The following ZBTB45 variants were observed in gnomAD, a reference collection of about 807,000 sequenced individuals.
ZBTB45 encodes zinc finger and BTB domain containing 45.
Under a neutral mutation model 28.4 loss-of-function variants are expected in ZBTB45, and 22 were observed. The ratio of observed to expected loss-of-function variants is 0.77; its 90% CI spans 0.55 to 1.10. ZBTB45 has a LOEUF of 1.10. Among genes scored for constraint, ZBTB45 ranks in the 50% least tolerant of loss-of-function variants. The pLI is 0.00. For synonymous variants in ZBTB45, 361 were observed against 332.3 expected, an observed-to-expected ratio of 1.09 and a Z score of -0.94; for missense variants, 656 against 750.2, an observed-to-expected ratio of 0.87 and a Z score of 1.47.
At chr19:58,524,320 G>A (rs960598051), upstream of ZBTB45, among the ~76,000 whole-genome samples, 3 of 150,684 alleles carry the variant, frequency 2.0e-5, no homozygotes, top group Non-Finnish European at 4.4e-5. Context: ...AGCCGAGATC[G>A]CGCCACTGCA....
intron 2 of ZBTB45, 134 bp from the exon 3 acceptor site, chr19:58,514,444 C>T (rs2053463806): frequency 8.4e-7 from 1 of 1,190,622 alleles, no homozygotes; most frequent in Admixed American, 2.8e-5. Context: ...CCCCGGGATC[C>T]CTTGCCTATC....
Position 58,534,361 on chromosome 19 carries a change from T to G in ZBTB45, c.-1+4340A>C, listed in dbSNP as rs2122597721. On this transcript the variant is annotated intron_variant, in intron 1 of 1. Transcript: ENST00000600130. Reference sequence around the variant, plus strand: ...ATGTACACTTTTAAACTGGCTAAAATGATAAATTTGATATTATGTGAATAT... The same window carrying G: ...ATGTACACTTTTAAACTGGCTAAAAGGATAAATTTGATATTATGTGAATAT... Among the ~76,000 whole-genome samples, 3 of 152,178 alleles carry G rather than the reference T, an allele frequency of 2.0e-5. No homozygotes were observed. The South Asian group carries it at 6.2e-4, about 32-fold the overall frequency.
chr19:58,533,491 C>G (rs1315088498), intron 1 of ZBTB45, among the ~76,000 whole-genome samples: 1 of 151,998 alleles, frequency 6.6e-6, no homozygotes, highest in African/African-American at 2.4e-5. Flanking sequence ...AAGCCGAGGC[C>G]ACCAGAAACT....
intron 1 of ZBTB45, among the ~76,000 whole-genome samples, chr19:58,528,462 C>CA (rs376159411): frequency 1.5e-3 from 190 of 128,328 alleles, no homozygotes; most frequent in Middle Eastern, 4.1e-3. Context: ...GACTAGTTCT[C>CA]AAAAAAAAAA....
intron 1 of ZBTB45, among the ~76,000 whole-genome samples, chr19:58,536,681 T>C (rs1045133498): frequency 6.6e-6 from 1 of 151,986 alleles, no homozygotes; most frequent in African/African-American, 2.4e-5. Flanking sequence ...ATTTGAGTGA[T>C]GTAGCCACAA....
At chr19:58,523,812 A>T, upstream of ZBTB45, among the ~76,000 whole-genome samples, 1 of 127,846 alleles carries the variant, frequency 7.8e-6, no homozygotes. Flanking sequence ...CTGGGACTAC[A>T]GGCGCCCGCC....
intron 1 of ZBTB45, among the ~76,000 whole-genome samples, chr19:58,532,757 A>C (rs1180136928): frequency 6.6e-6 from 1 of 152,078 alleles, no homozygotes; most frequent in Non-Finnish European, 1.5e-5. Context: ...TATGTTGGGC[A>C]GTCTGGTCTC....
upstream of ZBTB45, chr19:58,520,008 TC>T (rs1177531477): frequency 6.6e-6 from 1 of 152,250 alleles, no homozygotes; most frequent in Non-Finnish European, 1.5e-5. Context: ...AGAGCACTCT[TC>T]CGGCGTCGCC....
chr19:58,524,239 C>G (rs901126449), upstream of ZBTB45, among the ~76,000 whole-genome samples: 4 of 151,042 alleles, frequency 2.6e-5, no homozygotes, highest in Admixed American at 6.6e-5. Context: ...GTGGTGGGCC[C>G]CTATAATCCC....
chr19:58,517,777 A>C, intron 1 of ZBTB45, 104 bp from the exon 2 acceptor site: 3 of 1,098,776 alleles, frequency 2.7e-6, no homozygotes, highest in Non-Finnish European at 3.9e-6. Context: ...GCTCGAGTGC[A>C]CCACACTCCA....
At chr19:58,529,404 C>G (rs924868369) in intron 1 of ZBTB45, among the ~76,000 whole-genome samples, 2 of 152,290 alleles carry the variant, frequency 1.3e-5, no homozygotes, top group East Asian at 3.9e-4. Context: ...GCACTCAGAG[C>G]AAGACCCTAT....
chr19:58,533,456 T>A (rs1047271546), intron 1 of ZBTB45, among the ~76,000 whole-genome samples: 5 of 152,160 alleles, frequency 3.3e-5, no homozygotes, highest in African/African-American at 1.2e-4. Flanking sequence ...GCTGTCAGCC[T>A]TCAAGACTGG....
chr19:58,517,259 G>A lies in ZBTB45; in HGVS notation c.415C>T (p.Pro139Ser). 1 of 1,581,882 alleles carries A rather than the reference G, an allele frequency of 6.3e-7. No homozygotes were observed. Among genetic ancestry groups the A allele is most frequent in the South Asian group, 1.1e-5 (1 of 88,248 alleles). Reference sequence around the variant, plus strand: ...GCAGGTGCGAGTGGCGGGGGCACAGGGGTGGGCAGGGGCGTGGGCGCAGAG... The same window carrying A: ...GCAGGTGCGAGTGGCGGGGGCACAGAGGTGGGCAGGGGCGTGGGCGCAGAG... ...GTSAPTPLPT[P>S]VPPPLAPAQL... is the part of the protein sequence containing the mutation. The change falls in exon 2 of 3, where the codon CCT becomes TCT. Residue 139 changes from proline (P) to serine (S), a missense_variant. Pro to Ser is a moderately conservative substitution (Grantham distance 74). Transcript: ENST00000594051.
chr19:58,514,507 C>T (rs920095811), intron 2 of ZBTB45, among the ~76,000 whole-genome samples, 197 bp from the exon 3 acceptor site: 1 of 152,028 alleles, frequency 6.6e-6, no homozygotes, highest in Non-Finnish European at 1.5e-5. Flanking sequence ...GACACCCCCT[C>T]CTCTCCAGGA....
intron 1 of ZBTB45, among the ~76,000 whole-genome samples, chr19:58,525,909 C>T (rs368444487): frequency 3.7e-4 from 56 of 152,288 alleles, no homozygotes; most frequent in African/African-American, 1.1e-3. Flanking sequence ...CTGTACTGTG[C>T]CCTTGGATTA....
At chr19:58,538,388 T>C (rs2053672491) in intron 1 of ZBTB45, among the ~76,000 whole-genome samples, 2 of 151,990 alleles carry the variant, frequency 1.3e-5, no homozygotes, top group Admixed American at 6.6e-5. Context: ...CCAGGGCGTC[T>C]TCAGGGTGGT....
chr19:58,537,464 C>T (rs1396460376), intron 1 of ZBTB45, among the ~76,000 whole-genome samples: 1 of 152,100 alleles, frequency 6.6e-6, no homozygotes, highest in African/African-American at 2.4e-5. Context: ...TTGCCAGGGC[C>T]TGGGGAGGGC....
At position 58,516,828 on chromosome 19, in the gene ZBTB45, T is replaced by C; in HGVS notation, c.846A>G (p.Val282=). The C allele has an allele frequency of 6.2e-7, 1 of 1,613,624 alleles. No individual in the cohort carries two copies. Among genetic ancestry groups the C allele is most frequent in the South Asian group, 1.1e-5 (1 of 91,080 alleles). Residue 282 remains valine (V), a synonymous_variant, in exon 2 of 3, where the codon GTA becomes GTG. Transcript: ENST00000594051. This position sits in a 1 kb window ranked among gnomAD's most constrained non-coding sequence, Gnocchi z 6.2. Reference sequence around the variant, plus strand: ...AAGTGGATACATAGCTGTCTGGAAATACGTCCTCAGCTGACCCAGCTCCCC... The same window carrying C: ...AAGTGGATACATAGCTGTCTGGAAACACGTCCTCAGCTGACCCAGCTCCCC... ...FLRGAGSAED[V]FPDSYVSTWH...
rs777317181 is a variant in ZBTB45 at position 58,517,643 on chromosome 19, G to C, written c.31C>G (p.His11Asp). ...AGAGAGCGTGAGAAGTTCTGCAGGT[G>C]TATGTGATGCACAGCCTCTGCAGCC... is the stretch of plus-strand genomic sequence containing the variant. MAAAEAVHHI[H>D]LQNFSRSLLE... Residue 11 changes from histidine (H) to aspartate (D), a missense_variant, in exon 2 of 3, where the codon CAC (histidine) becomes GAC (aspartate). Transcript: ENST00000594051. 6.2e-7 allele frequency: 1 copy of C among 1,613,820 alleles called. No individual in the cohort carries two copies. Among genetic ancestry groups the C allele is most frequent in the Non-Finnish European group, 8.5e-7 (1 of 1,179,928 alleles).
Sources: gnomAD v4.1 joint callset for allele counts (sites outside exome capture counted in the v4.1 genomes callset) on GRCh38, gnomAD v4.1.1 for gene constraint, Gnocchi (gnomAD v3.1) non-coding constraint, MANE v1.5 for transcripts, NCBI Gene and HGNC (gene_info 2026-07-23, HGNC 2026-07-21) for gene names.